Variants in CSNK1G2 observed in about 807,000 individuals in gnomAD.
CSNK1G2 encodes the protein casein kinase 1 gamma 2, also known as casein kinase I isoform gamma-2.
In CSNK1G2, 11 loss-of-function variants were observed where a neutral mutation model predicts 48.0. The ratio of observed to expected loss-of-function variants is 0.23; its 90% CI spans 0.14 to 0.38. The LOEUF is 0.38. Among genes scored for constraint, CSNK1G2 ranks in the 10% least tolerant of loss-of-function variants. The pLI, the probability that CSNK1G2 is intolerant of heterozygous loss-of-function variation, is 1.00. For synonymous variants in CSNK1G2, 337 were observed against 254.1 expected (o/e 1.33, Z -3.10); for missense variants, 446 against 595.5 (o/e 0.75, Z 2.61).
chr19:1,973,457 G>T (rs1218468174), intron 2 of CSNK1G2, among the ~76,000 whole-genome samples: 2 of 152,214 alleles, frequency 1.3e-5, no homozygotes, highest in Admixed American at 1.3e-4. Flanking sequence ...TGATCTGCCC[G>T]CCTTGGCCTC....
In CSNK1G2 at chr19:1,980,441, A is replaced by C; in HGVS notation, c.*238A>C. The C allele has an allele frequency of 1.7e-6, 1 of 585,600 alleles. No homozygotes were observed. The highest frequency in any genetic ancestry group is 3.1e-6 in the Non-Finnish European group (1 of 327,646). 36.3% of individuals were successfully genotyped at this position (585,600 alleles called of 1,614,324 possible). A position where few individuals can be genotyped will look rare whatever the true frequency, so the allele number is the denominator to read the frequency against. ...CACCTGTGTCTAGTCCTCCCCTCCA[A>C]GAGCATTAACTATTTAAAACAAGGA... On this transcript the variant is annotated 3_prime_UTR_variant, in exon 12 of 12. Transcript: ENST00000255641.
At chr19:1,952,871 G>T in intron 1 of CSNK1G2, 1 of 429,406 alleles carries the variant, frequency 2.3e-6, no homozygotes, top group Non-Finnish European at 4.6e-6. Context: ...CAGCCCTCGT[G>T]GGGATCATCA....
chr19:1,972,347 G>A lies in CSNK1G2; in HGVS notation c.187+2388G>A, dbSNP rs565407397. Among the ~76,000 whole-genome samples the A allele has an allele frequency of 1.1e-4, 16 of 152,350 alleles. No individual in the cohort carries two copies. In the South Asian group the frequency reaches 3.1e-3, roughly 30 times the overall value. On this transcript the variant is annotated intron_variant, in intron 2 of 11. Coordinates refer to ENST00000255641, the MANE Select transcript of CSNK1G2 (RefSeq NM_001319.7). The stretch of plus-strand genomic sequence containing the variant: ...ACGTCCCCAGCACTCAGGACTGTTG[G>A]TGGCTTTGATGTTGAGCCTGTTGTG...
chr19:1,978,583 C>G lies in CSNK1G2; in HGVS notation c.299-19C>G. 1.3e-6 allele frequency: 2 copies of G among 1,581,150 alleles called. No homozygotes were observed. Among genetic ancestry groups the G allele is most frequent in the Non-Finnish European group, 1.7e-6 (2 of 1,164,158 alleles). On this transcript the variant is annotated intron_variant, in intron 4 of 11. Transcript: ENST00000255641. The surrounding 1 kb of genome is among the most constrained non-coding windows in gnomAD (Gnocchi z 7.3). The stretch of plus-strand genomic sequence containing the variant: ...AGGGGGCTGCCGCCGCACGCCCGTG[C>G]GTCTGTCCTCCGCCGCAGAGGGCGT...
chr19:1,945,678 C>T (rs573954982), intron 1 of CSNK1G2, among the ~76,000 whole-genome samples: 6 of 152,246 alleles, frequency 3.9e-5, no homozygotes, highest in East Asian at 1.9e-4. Context: ...AAAAATTAGC[C>T]GGGCGTGGTG....
intron 2 of CSNK1G2, among the ~76,000 whole-genome samples, chr19:1,973,930 C>T (rs2015663064): frequency 6.6e-6 from 1 of 152,008 alleles, no homozygotes; most frequent in Admixed American, 6.6e-5. Context: ...CTCTGTTGCC[C>T]AGGCTGGAGT....
intron 1 of CSNK1G2, among the ~76,000 whole-genome samples, chr19:1,942,860 C>T (rs953843669): frequency 6.6e-6 from 1 of 152,182 alleles, no homozygotes; most frequent in Non-Finnish European, 1.5e-5. Context: ...TCCCCTGTGT[C>T]TCCACCAAAA....
At chr19:1,961,486 C>G (rs2015198539) in intron 1 of CSNK1G2, among the ~76,000 whole-genome samples, 1 of 152,250 alleles carries the variant, frequency 6.6e-6, no homozygotes, top group South Asian at 2.1e-4. Flanking sequence ...TCCGTTTCTC[C>G]AGAAGGCCCT....
intron 1 of CSNK1G2, among the ~76,000 whole-genome samples, chr19:1,946,866 C>G (rs540561318): frequency 1.1e-4 from 16 of 152,176 alleles, no homozygotes; most frequent in Admixed American, 9.8e-4. Context: ...CCGCCTCGGC[C>G]TCTCAAAGTG....
rs1301611500 is a variant in CSNK1G2, at chr19:1,980,777, G to C, written c.*574G>C. On this transcript the variant is annotated 3_prime_UTR_variant, in exon 12 of 12. Transcript: ENST00000255641. ...CGAAACCAAAGGGGAAGGCAGGGGT[G>C]GGGCCGTGGCTGAAGCCGGCTCCCC... 6.5e-6 allele frequency: 1 copy of C among 153,300 alleles called. No individual in the cohort carries two copies. The highest frequency in any genetic ancestry group is 2.4e-5 in the African/African-American group (1 of 41,460). The allele number at this position is 153,300 out of a possible 1,614,324, so 9.5% of individuals were successfully genotyped here.
chr19:1,952,766 G>A (rs904076870), intron 1 of CSNK1G2: 9 of 313,146 alleles, frequency 2.9e-5, no homozygotes, highest in Middle Eastern at 8.0e-4. Flanking sequence ...GGAGGCCAGG[G>A]GATATAGAAG....
rs753094807 is a variant in CSNK1G2 at position 1,944,698 on chromosome 19, G to A, written c.-266+3280G>A. Among the ~76,000 whole-genome samples, 28 of 29,494 alleles carry A rather than the reference G, an allele frequency of 9.5e-4. 1 individual carries two copies. The highest frequency in any genetic ancestry group is 2.0e-3 in the African/African-American group (27 of 13,486). 19.3% of individuals were successfully genotyped at this position (29,494 alleles called of 152,430 possible). ...GGGAGCTTGACTGGCCTGGCTGGGT[G>A]GGGGGGGGTACCCCTTTGTGCTACC... On this transcript the variant is annotated intron_variant, in intron 1 of 11. Transcript: ENST00000255641.
intron 1 of CSNK1G2, among the ~76,000 whole-genome samples, chr19:1,944,166 G>A (rs2014468226): frequency 1.3e-5 from 2 of 152,068 alleles, no homozygotes; most frequent in African/African-American, 2.4e-5. Context: ...GTGTTGGGTC[G>A]AGCTCTGGTG....
At chr19:1,977,595 A>C (rs2015802523) in intron 2 of CSNK1G2, among the ~76,000 whole-genome samples, 1 of 152,120 alleles carries the variant, frequency 6.6e-6, no homozygotes, top group African/African-American at 2.4e-5. Context: ...TCTACTAAAA[A>C]TACAAAAATT....
At position 1,979,742 on chromosome 19, in the gene CSNK1G2, T is replaced by C. The variant is rs2015909293; in HGVS notation, c.1003-10T>C. The C allele has an allele frequency of 1.2e-6, 2 of 1,604,746 alleles. No homozygotes were observed. The highest frequency in any genetic ancestry group is 1.7e-6 in the Non-Finnish European group (2 of 1,179,434). On this transcript the variant is annotated splice_polypyrimidine_tract_variant and intron_variant, in intron 9 of 11. Coordinates refer to ENST00000255641, the MANE Select transcript of CSNK1G2 (RefSeq NM_001319.7). ...GCAGCCCATCCTGACCCCTGCTCCC[T>C]CACCCACAGCCGACCCCCATCGGCA...
rs753383797 is a variant in CSNK1G2, at chr19:1,980,256, G to A, written c.*53G>A. 20 of 1,603,446 alleles carry A rather than the reference G, an allele frequency of 1.2e-5. No individual in the cohort carries two copies. Among genetic ancestry groups the A allele is most frequent in the African/African-American group, 2.7e-5 (2 of 74,644 alleles). On this transcript the variant is annotated 3_prime_UTR_variant, in exon 12 of 12. Coordinates refer to ENST00000255641, the MANE Select transcript of CSNK1G2 (RefSeq NM_001319.7). ...TTCTCCGTGCAGCCCCTTGGGGCGCGACCTTGTGCGAGGCCCTCGGGGCCC... is the reference window on the plus strand; with the variant it reads ...TTCTCCGTGCAGCCCCTTGGGGCGCAACCTTGTGCGAGGCCCTCGGGGCCC...
intron 2 of CSNK1G2, among the ~76,000 whole-genome samples, chr19:1,973,429 C>T (rs762792342): frequency 7.2e-5 from 11 of 152,148 alleles, no homozygotes; most frequent in Admixed American, 1.3e-4. Context: ...GCCATGTTGG[C>T]AAACTCCTGA....
rs1455444740 is a variant in CSNK1G2 at position 1,979,156 on chromosome 19, C to T, written c.683-7C>T. 6.5e-7 allele frequency: 1 copy of T among 1,528,726 alleles called. No homozygotes were observed. Among genetic ancestry groups the T allele is most frequent in the Non-Finnish European group, 8.8e-7 (1 of 1,139,528 alleles). 94.7% of individuals were successfully genotyped at this position (1,528,726 alleles called of 1,614,324 possible). A position where few individuals can be genotyped will look rare whatever the true frequency, so the allele number is the denominator to read the frequency against. On this transcript the variant is annotated splice_polypyrimidine_tract_variant and splice_region_variant and intron_variant, in intron 6 of 11. Coordinates refer to ENST00000255641, the MANE Select transcript of CSNK1G2 (RefSeq NM_001319.7). The stretch of plus-strand genomic sequence containing the variant: ...ACCCCGCTGAGGCTGCGCCCCTGTC[C>T]CCGCAGAGCAGAGCCGCCGCGACGA...
chr19:1,955,772 G>A (rs913699175), intron 1 of CSNK1G2, among the ~76,000 whole-genome samples: 1 of 152,168 alleles, frequency 6.6e-6, no homozygotes, highest in Non-Finnish European at 1.5e-5. Context: ...CTCGGCTCCG[G>A]GCTCCATCTG....
Sources: gnomAD v4.1 joint callset for allele counts (sites outside exome capture counted in the v4.1 genomes callset) on GRCh38, gnomAD v4.1.1 for gene constraint, Gnocchi (gnomAD v3.1) non-coding constraint, MANE v1.5 for transcripts, NCBI Gene and HGNC (gene_info 2026-07-23, HGNC 2026-07-21) for gene names.